Variants in MAML2 observed in about 807,000 individuals in gnomAD.
MAML2 encodes the protein mastermind-like protein 2.
In MAML2, 22 loss-of-function variants were observed where a neutral mutation model predicts 96.1. The ratio of observed to expected loss-of-function variants is 0.23; its 90% CI spans 0.16 to 0.33. The LOEUF is 0.33. Among genes scored for constraint, MAML2 ranks in the 10% least tolerant of loss-of-function variants. The pLI is 1.00. For missense variants in MAML2, 1,367 were observed against 1,392.4 expected, an observed-to-expected ratio of 0.98 and a Z score of 0.29; for synonymous variants, 561 against 521.3, an observed-to-expected ratio of 1.08 and a Z score of -1.04.
chr11:95,996,268 T>C (rs1857989683), intron 2 of MAML2, among the ~76,000 whole-genome samples: 2 of 152,320 alleles, frequency 1.3e-5, no homozygotes, highest in South Asian at 2.1e-4. Flanking sequence ...GAGTGCTCAA[T>C]GTTGGCAGAA....
intron 1 of MAML2, among the ~76,000 whole-genome samples, chr11:96,180,508 C>G (rs1179088004): frequency 2.0e-5 from 3 of 152,156 alleles, no homozygotes; most frequent in Admixed American, 6.5e-5. Flanking sequence ...GCTGACTGCT[C>G]AAGTTAAGAT....
At position 96,299,060 on chromosome 11, in the gene MAML2, A is replaced by ATATAT. The variant is rs1555037072; in HGVS notation, c.513+42322_513+42323insATATA. 3.9e-3 allele frequency among the ~76,000 whole-genome samples: 218 copies of ATATAT among 56,304 alleles called. 1 individual carries two copies. The highest frequency in any genetic ancestry group is 0.013 in the African/African-American group (150 of 11,170). 36.9% of individuals were successfully genotyped at this position (56,304 alleles called of 152,430 possible). A position where few individuals can be genotyped will look rare whatever the true frequency, so the allele number is the denominator to read the frequency against. On this transcript the variant is annotated intron_variant, in intron 1 of 4. Transcript: ENST00000524717. ...AGTCCATCTCAAAAAAAAAAAAAAAAATATATATATATATATATATAAAAT... is the reference window on the plus strand; with the variant it reads ...AGTCCATCTCAAAAAAAAAAAAAAAATATATATATATATATATATATATATAAAAT...
chr11:96,047,928 A>G (rs1307512942), intron 2 of MAML2, among the ~76,000 whole-genome samples: 27 of 150,890 alleles, frequency 1.8e-4, no homozygotes, highest in Admixed American at 7.9e-4. Context: ...AAAAAAAAAA[A>G]AAAAAAGAAA....
At chr11:96,231,833 A>T (rs1487251950) in intron 1 of MAML2, among the ~76,000 whole-genome samples, 2 of 152,140 alleles carry the variant, frequency 1.3e-5, no homozygotes, top group Non-Finnish European at 2.9e-5. Flanking sequence ...TAGGTTAAAA[A>T]ATATGTCACC....
intron 2 of MAML2, among the ~76,000 whole-genome samples, chr11:96,040,597 T>C (rs1396658497): frequency 6.6e-6 from 1 of 152,046 alleles, no homozygotes; most frequent in African/African-American, 2.4e-5. Context: ...TGAAACCTCG[T>C]CTCTACTAAA....
chr11:96,061,591 T>C (rs1859160611), intron 2 of MAML2, among the ~76,000 whole-genome samples: 1 of 152,222 alleles, frequency 6.6e-6, no homozygotes, highest in South Asian at 2.1e-4. Context: ...CAGCCCATTT[T>C]TGACATCAGA....
chr11:96,338,577 A>G (rs903279181), intron 1 of MAML2, among the ~76,000 whole-genome samples: 4 of 152,214 alleles, frequency 2.6e-5, no homozygotes, highest in African/African-American at 7.2e-5. Context: ...CCTTCATTCA[A>G]CAAATATTAC....
chr11:96,237,576 G>A (rs1862381696), intron 1 of MAML2, among the ~76,000 whole-genome samples: 1 of 152,090 alleles, frequency 6.6e-6, no homozygotes, highest in African/African-American at 2.4e-5. Flanking sequence ...GGCACATAGT[G>A]GACATCCAAA....
chr11:96,236,735 T>A lies in MAML2; in HGVS notation c.513+104648A>T, dbSNP rs149197865. Among the ~76,000 whole-genome samples, 666 of 152,168 alleles carry A rather than the reference T, an allele frequency of 4.4e-3. 2 individuals carry two copies. Among genetic ancestry groups the A allele is most frequent in the Non-Finnish European group, 7.1e-3 (485 of 68,010 alleles). On this transcript the variant is annotated intron_variant, in intron 1 of 4. Transcript: ENST00000524717. ...TGTTATATGTCATCAATCTGGAGGG[T>A]TGATAATAACATTGATATCTGGATG... is the stretch of plus-strand genomic sequence containing the variant.
chr11:96,234,640 CTCTA>C (rs1339769852), intron 1 of MAML2, among the ~76,000 whole-genome samples: 2 of 152,148 alleles, frequency 1.3e-5, no homozygotes, highest in East Asian at 1.9e-4. Flanking sequence ...CTATCTGTAT[CTCTA>C]TCTTTCTCAC....
At chr11:96,301,479 A>T (rs1468876115) in intron 1 of MAML2, among the ~76,000 whole-genome samples, 2 of 152,206 alleles carry the variant, frequency 1.3e-5, no homozygotes, top group Non-Finnish European at 2.9e-5. Context: ...CAATGGTTAG[A>T]TTCTAGAGCA....
chr11:96,203,843 CAAT>C (rs1198968722), intron 1 of MAML2, among the ~76,000 whole-genome samples: 4 of 152,186 alleles, frequency 2.6e-5, no homozygotes, highest in Admixed American at 2.6e-4. Context: ...CGGTTATTCT[CAAT>C]AATATGAGTG....
intron 1 of MAML2, among the ~76,000 whole-genome samples, chr11:96,280,908 T>C (rs2135985655): frequency 6.6e-6 from 1 of 152,334 alleles, no homozygotes; most frequent in African/African-American, 2.4e-5. Context: ...CATCATTACT[T>C]CTGTACTCAA....
At position 95,983,025 on chromosome 11, in the gene MAML2, T is replaced by A. The variant is rs114129779; in HGVS notation, c.2455+2506A>T. Among the ~76,000 whole-genome samples, 932 of 152,260 alleles carry A rather than the reference T, an allele frequency of 6.1e-3. 12 individuals carry two copies. Among genetic ancestry groups the A allele is most frequent in the African/African-American group, 0.021 (887 of 41,536 alleles). Reference sequence around the variant, plus strand: ...TTTTACTATGCTTTCAATAATTATTTTGGAGTGTACTCCTTCTACTTATAC... The same window carrying A: ...TTTTACTATGCTTTCAATAATTATTATGGAGTGTACTCCTTCTACTTATAC... On this transcript the variant is annotated intron_variant, in intron 4 of 4. Coordinates refer to ENST00000524717, the MANE Select transcript of MAML2 (RefSeq NM_032427.4).
intron 2 of MAML2, among the ~76,000 whole-genome samples, chr11:96,053,623 T>TG (rs11435367): frequency 0.096 from 14,538 of 151,652 alleles, 1,129 homozygotes; most frequent in African/African-American, 0.22. Flanking sequence ...GTTAATGGGA[T>TG]GGGGGGGTGA....
chr11:96,306,467 C>G (rs1461260934), intron 1 of MAML2, among the ~76,000 whole-genome samples: 2 of 152,186 alleles, frequency 1.3e-5, no homozygotes, highest in Non-Finnish European at 2.9e-5. Context: ...CAAAACAGTT[C>G]TCCAAGCTCC....
intron 1 of MAML2, among the ~76,000 whole-genome samples, chr11:96,139,464 G>A (rs968433079): frequency 5.4e-5 from 8 of 148,930 alleles, no homozygotes; most frequent in Non-Finnish European, 1.0e-4. Flanking sequence ...GCGACAGAGC[G>A]AGACTCTGTC....
rs1374125416 is a variant in MAML2 at position 95,978,017 on chromosome 11, T to C, written c.*931A>G. On this transcript the variant is annotated 3_prime_UTR_variant, in exon 5 of 5. Transcript: ENST00000524717. ...AACCAGCCTCAGTCATCAAAATGAG[T>C]AGGGAGGACGAGGTTCAATTTCACT... 9.1e-6 allele frequency: 2 copies of C among 219,312 alleles called. No homozygotes were observed. Among genetic ancestry groups the C allele is most frequent in the Admixed American group, 1.2e-4 (2 of 17,306 alleles). 13.6% of individuals were successfully genotyped at this position (219,312 alleles called of 1,614,324 possible).
In MAML2 at chr11:96,092,845, A is replaced by C; in HGVS notation, c.1186T>G (p.Ser396Ala). The C allele has an allele frequency of 6.2e-7, 1 of 1,608,390 alleles. No individual in the cohort carries two copies. Among genetic ancestry groups the C allele is most frequent in the South Asian group, 1.1e-5 (1 of 90,024 alleles). The part of the protein sequence containing the change: ...SAGPAFSMAN[S>A]ALSTSSPIPS... ...ATTGGAGACGAAGTGGAGAGGGCAG[A>C]GTTGGCCATGGAGAATGCGGGGCCA... Residue 396 changes from serine to alanine, a missense_variant, in exon 2 of 5, where the codon TCT becomes GCT. Ser to Ala is a moderately conservative substitution (Grantham distance 99, BLOSUM62 1). Transcript: ENST00000524717. This position sits in a 1 kb window ranked among gnomAD's most constrained non-coding sequence, Gnocchi z 4.1.
Sources: gnomAD v4.1 joint callset for allele counts (sites outside exome capture counted in the v4.1 genomes callset) on GRCh38, gnomAD v4.1.1 for gene constraint, Gnocchi (gnomAD v3.1) non-coding constraint, MANE v1.5 for transcripts, NCBI Gene and HGNC (gene_info 2026-07-23, HGNC 2026-07-21) for gene names.